The following SGIP1 variants were observed in gnomAD, a reference collection of about 807,000 sequenced individuals.
SGIP1 encodes the protein SH3-containing GRB2-like protein 3-interacting protein 1.
Under a neutral mutation model 107.5 loss-of-function variants are expected in SGIP1, and 38 were observed. That is an observed-to-expected ratio of 0.35 (90% confidence interval 0.27 to 0.46). The LOEUF is 0.46. Ranked by LOEUF, SGIP1 falls within the 20% of genes least tolerant of loss-of-function variation. The probability of loss-of-function intolerance (pLI) is 1.00; values close to 1 mark genes in which losing one functional copy is unlikely to be tolerated. For synonymous variants in SGIP1, 365 were observed against 366.1 expected, an observed-to-expected ratio of 1.00 and a Z score of 0.03; for missense variants, 929 against 1,019.5, an observed-to-expected ratio of 0.91 and a Z score of 1.21.
intron 7 of SGIP1, among the ~76,000 whole-genome samples, chr1:66,644,785 C>A (rs1204892609): frequency 1.3e-5 from 2 of 151,974 alleles, no homozygotes; most frequent in African/African-American, 4.8e-5. Context: ...TGGTAACAAC[C>A]AAAATGATTG....
At chr1:66,679,271 C>T (rs962132949) in intron 13 of SGIP1, among the ~76,000 whole-genome samples, 2 of 152,206 alleles carry the variant, frequency 1.3e-5, no homozygotes, top group Non-Finnish European at 1.5e-5. Context: ...ATCAAACCCT[C>T]GACTGTAACT....
intron 1 of SGIP1, among the ~76,000 whole-genome samples, chr1:66,567,543 A>G (rs2059818502): frequency 6.6e-6 from 1 of 152,096 alleles, no homozygotes; most frequent in African/African-American, 2.4e-5. Flanking sequence ...TTTTGTTGCA[A>G]TGGCTTTTGG....
intron 2 of SGIP1, chr1:66,626,136 T>TA (rs2072647116): frequency 3.9e-5 from 8 of 203,924 alleles, no homozygotes; most frequent in Non-Finnish European, 3.5e-5. Context: ...TTTCTTTCTT[T>TA]CTTTTTTTTT....
At chr1:66,605,622 AAC>A (rs1195113133) in intron 1 of SGIP1, among the ~76,000 whole-genome samples, 1 of 151,588 alleles carries the variant, frequency 6.6e-6, no homozygotes, top group Non-Finnish European at 1.5e-5. Context: ...GCCCTTAACA[AAC>A]ACAGCCCAAA....
At chr1:66,717,969 A>G (rs1283923258) in intron 18 of SGIP1, among the ~76,000 whole-genome samples, 4 of 152,182 alleles carry the variant, frequency 2.6e-5, no homozygotes, top group African/African-American at 9.6e-5. Context: ...AGCACCTACC[A>G]TAATACCTGA....
intron 15 of SGIP1, among the ~76,000 whole-genome samples, chr1:66,682,845 C>A (rs558979242): frequency 9.1e-4 from 135 of 148,790 alleles, no homozygotes; most frequent in African/African-American, 3.1e-3. Context: ...TTTTTCTTTT[C>A]TTTTTTGGTT....
chr1:66,637,447 GTGTGTGTT>G (rs139377786), intron 4 of SGIP1, among the ~76,000 whole-genome samples: 17,479 of 76,872 alleles, frequency 0.23, 1,401 homozygotes, highest in East Asian at 0.57. Flanking sequence ...AGCCGTGTGT[GTGTGTGTT>G]TGTGTGTGTG....
Position 66,671,029 on chromosome 1 carries a change from T to A in SGIP1, c.508+10T>A. On this transcript the variant is annotated intron_variant, in intron 10 of 24. Transcript: ENST00000371037. ...AAAAGGAACTTATCCAGTAAGTATATCTTAGCTACCAGAAATAGTGTATGA... is the reference window on the plus strand; with the variant it reads ...AAAAGGAACTTATCCAGTAAGTATAACTTAGCTACCAGAAATAGTGTATGA... The A allele has an allele frequency of 7.4e-7, 1 of 1,344,276 alleles. No individual in the cohort carries two copies. The highest frequency in any genetic ancestry group is 1.0e-6 in the Non-Finnish European group (1 of 965,800). 83.3% of individuals were successfully genotyped at this position (1,344,276 alleles called of 1,614,324 possible).
intron 1 of SGIP1, among the ~76,000 whole-genome samples, chr1:66,565,257 A>T (rs1050159545): frequency 1.3e-5 from 2 of 152,048 alleles, no homozygotes. Context: ...CCCAGGTATA[A>T]TACTCTAACT....
intron 14 of SGIP1, 57 bp from the exon 15 acceptor site, chr1:66,681,812 A>G: frequency 6.5e-7 from 1 of 1,537,988 alleles, no homozygotes; most frequent in East Asian, 2.3e-5. Flanking sequence ...TCCCTCCCTC[A>G]CTCCCCACAC....
At chr1:66,542,219 G>A (rs1004551747) in intron 1 of SGIP1, among the ~76,000 whole-genome samples, 11 of 151,874 alleles carry the variant, frequency 7.2e-5, no homozygotes, top group Admixed American at 2.6e-4. Context: ...TTTATCACAG[G>A]TAAAATTAAA....
chr1:66,546,619 G>A (rs942715285), intron 1 of SGIP1, among the ~76,000 whole-genome samples: 3 of 152,244 alleles, frequency 2.0e-5, no homozygotes, highest in South Asian at 2.1e-4. Flanking sequence ...CTTGTGGTAC[G>A]GTATGACTTC....
At chr1:66,679,400 G>A (rs1051042770) in intron 13 of SGIP1, among the ~76,000 whole-genome samples, 2 of 152,100 alleles carry the variant, frequency 1.3e-5, no homozygotes, top group African/African-American at 4.8e-5. Context: ...GCTGCTTGAG[G>A]TTTGTGTGTT....
chr1:66,598,685 G>A (rs903162743), intron 1 of SGIP1, among the ~76,000 whole-genome samples: 1 of 152,150 alleles, frequency 6.6e-6, no homozygotes, highest in Non-Finnish European at 1.5e-5. Flanking sequence ...GCGCAGAGGT[G>A]CCACACACTT....
At position 66,739,361 on chromosome 1, in the gene SGIP1, A is replaced by G. The variant is rs772956300; in HGVS notation, c.2058A>G (p.Thr686=). 9 of 1,607,722 alleles carry G rather than the reference A, an allele frequency of 5.6e-6. No homozygotes were observed. Among genetic ancestry groups the G allele is most frequent in the East Asian group, 2.2e-5 (1 of 44,878 alleles). ...TGTCTGCCCAGGGCATTCAGTCCAC[A>G]CCTCTGAACCTGGCAGTGAATTGGC... ...YQVSAQGIQS[T]PLNLAVNWRC... The change falls in exon 22 of 25, where the codon ACA becomes ACG. Residue 686 remains threonine (T), a synonymous_variant. Transcript: ENST00000371037.
chr1:66,717,782 G>A (rs1003642444), intron 18 of SGIP1, among the ~76,000 whole-genome samples: 2 of 152,110 alleles, frequency 1.3e-5, no homozygotes, highest in African/African-American at 4.8e-5. Context: ...GTAAAATGAA[G>A]ACAACATTCA....
chr1:66,625,979 T>C, intron 2 of SGIP1, 69 bp downstream of exon 2: 6 of 1,232,616 alleles, frequency 4.9e-6, no homozygotes, highest in East Asian at 4.8e-5. Flanking sequence ...TCACAGTCAA[T>C]ATAAGATGGC....
At chr1:66,731,918 C>T (rs185073296) in intron 20 of SGIP1, among the ~76,000 whole-genome samples, 59 of 152,130 alleles carry the variant, frequency 3.9e-4, no homozygotes, top group Middle Eastern at 6.8e-3. Context: ...AAAAAATATG[C>T]GGGAACAATT....
At position 66,740,739 on chromosome 1, in the gene SGIP1, T is replaced by C. The variant is rs961707166; in HGVS notation, c.2299+17T>C. On this transcript the variant is annotated intron_variant, in intron 23 of 24. Transcript: ENST00000371037. Reference sequence around the variant, plus strand: ...AAAATGGAGGTAATGGAATCACAAGTTTATTTTATTTAACATGTAAAGCTA... The same window carrying C: ...AAAATGGAGGTAATGGAATCACAAGCTTATTTTATTTAACATGTAAAGCTA... The C allele has an allele frequency of 3.2e-6, 5 of 1,553,650 alleles. No individual in the cohort carries two copies. The African/African-American group carries it at 6.8e-5, about 21-fold the overall frequency.
Sources: gnomAD v4.1 joint callset for allele counts (sites outside exome capture counted in the v4.1 genomes callset) on GRCh38, gnomAD v4.1.1 for gene constraint, MANE v1.5 for transcripts, NCBI Gene and HGNC (gene_info 2026-07-23, HGNC 2026-07-21) for gene names.